Variants in HAT1 observed in about 807,000 individuals in gnomAD.
HAT1 encodes histone acetyltransferase 1.
A neutral mutation model predicts 56.6 loss-of-function variants in HAT1; 20 were observed. That is an observed-to-expected ratio of 0.35 (90% CI 0.25 to 0.51). The LOEUF (loss-of-function observed/expected upper bound fraction) is 0.51. Among genes scored for constraint, HAT1 ranks in the 20% least tolerant of loss-of-function variants. The pLI is 0.95. For synonymous variants in HAT1, 146 were observed against 165.5 expected, an observed-to-expected ratio of 0.88 and a Z score of 0.91; for missense variants, 408 against 504.3, an observed-to-expected ratio of 0.81 and a Z score of 1.83.
intron 4 of HAT1, 47 bp from the exon 5 acceptor site, chr2:171,965,291 C>A: frequency 8.6e-7 from 1 of 1,156,076 alleles, no homozygotes; most frequent in Non-Finnish European, 1.2e-6. Context: ...CCATATTCAA[C>A]TTAAAGTCGA....
chr2:171,979,663 C>G, intron 10 of HAT1: 1 of 214,624 alleles, frequency 4.7e-6, no homozygotes, highest in South Asian at 7.0e-5. Context: ...CAAACATTAG[C>G]TAGGCTTGGT....
At chr2:171,948,969 A>G (rs1687236632) in intron 3 of HAT1, among the ~76,000 whole-genome samples, 1 of 152,090 alleles carries the variant, frequency 6.6e-6, no homozygotes, top group South Asian at 2.1e-4. Context: ...TTTGTAATTT[A>G]TAAGTAGTTT....
At chr2:171,926,295 A>C (rs1440197698) in intron 2 of HAT1, among the ~76,000 whole-genome samples, 1 of 150,616 alleles carries the variant, frequency 6.6e-6, no homozygotes, top group Non-Finnish European at 1.5e-5. Flanking sequence ...TAATTTTTAT[A>C]AAAAATTTTT....
At chr2:171,944,193 T>TG (rs1443307176) in intron 2 of HAT1, among the ~76,000 whole-genome samples, 1 of 151,868 alleles carries the variant, frequency 6.6e-6, no homozygotes, top group Non-Finnish European at 1.5e-5. Context: ...GATTGTGCAC[T>TG]GCATTTAGTT....
chr2:171,967,827 A>C (rs1165300200), intron 8 of HAT1, among the ~76,000 whole-genome samples: 1 of 152,128 alleles, frequency 6.6e-6, no homozygotes, highest in Non-Finnish European at 1.5e-5. Context: ...TTTAACATGC[A>C]CTAAAACATT....
intron 8 of HAT1, among the ~76,000 whole-genome samples, chr2:171,968,986 A>G (rs539899081): frequency 1.8e-3 from 273 of 152,286 alleles, no homozygotes; most frequent in African/African-American, 6.4e-3. Flanking sequence ...CTTACTTCCA[A>G]TGGATGGGTG....
chr2:171,960,873 G>A (rs527590357), intron 4 of HAT1, among the ~76,000 whole-genome samples: 16 of 152,164 alleles, frequency 1.1e-4, no homozygotes, highest in Non-Finnish European at 2.1e-4. Context: ...TGAACGTGGT[G>A]GCTCAAACCT....
At chr2:171,961,507 T>A (rs1336095408) in intron 4 of HAT1, among the ~76,000 whole-genome samples, 2 of 152,188 alleles carry the variant, frequency 1.3e-5, no homozygotes, top group African/African-American at 4.8e-5. Flanking sequence ...TGGATTGAAT[T>A]TGAGAGGATA....
chr2:171,979,114 TTTA>T (rs1473187462), intron 9 of HAT1, 130 bp from the exon 10 acceptor site: 5 of 614,926 alleles, frequency 8.1e-6, no homozygotes, highest in Non-Finnish European at 1.5e-5. Flanking sequence ...GGCAACTACT[TTTA>T]TTGCCTTTCC....
intron 8 of HAT1, among the ~76,000 whole-genome samples, chr2:171,973,121 T>C (rs1048141676): frequency 6.0e-4 from 92 of 152,232 alleles, no homozygotes; most frequent in African/African-American, 1.9e-3. Flanking sequence ...CAGCCTCCAT[T>C]CTCCACTCTC....
At position 171,972,214 on chromosome 2, in the gene HAT1, GTT is replaced by G. The variant is rs11319894; in HGVS notation, c.824-3932_824-3931del. ...TGCATCTTTCCAGGGTTTTTCTTTT[GTT>G]TTTTTTTTTTGTTTGTTTGTTTTTG... On this transcript the variant is annotated intron_variant, in intron 8 of 10. Transcript: ENST00000264108. Among the ~76,000 whole-genome samples the G allele has an allele frequency of 2.8e-4, 39 of 141,512 alleles. No homozygotes were observed. In the South Asian group the frequency reaches 4.4e-3, roughly 16 times the overall value. 92.8% of individuals were successfully genotyped at this position (141,512 alleles called of 152,430 possible). A position where few individuals can be genotyped will look rare whatever the true frequency, so the allele number is the denominator to read the frequency against.
intron 8 of HAT1, among the ~76,000 whole-genome samples, chr2:171,972,234 T>A (rs1440511633): frequency 1.3e-5 from 2 of 151,272 alleles, no homozygotes; most frequent in African/African-American, 4.9e-5. Context: ...TTTGTTTGTT[T>A]GTTTTTGTTG....
At chr2:171,967,490 T>C (rs1161467433) in intron 8 of HAT1, among the ~76,000 whole-genome samples, 1 of 152,038 alleles carries the variant, frequency 6.6e-6, no homozygotes, top group Admixed American at 6.6e-5. Flanking sequence ...GCCATAGAAG[T>C]AGTAGTATGA....
intron 4 of HAT1, among the ~76,000 whole-genome samples, chr2:171,960,859 AT>A (rs1687555722): frequency 6.6e-6 from 1 of 151,800 alleles, no homozygotes; most frequent in Admixed American, 6.6e-5. Context: ...AAAAAAAAAA[AT>A]GCTGAACGTG....
chr2:171,977,558 T>TATA (rs1491530330), intron 9 of HAT1, among the ~76,000 whole-genome samples: 77 of 9,286 alleles, frequency 8.3e-3, no homozygotes, highest in East Asian at 9.7e-3. Context: ...TATATATATA[T>TATA]TTTTTTTTTT....
Position 171,922,505 on chromosome 2 carries a change from C to G in HAT1, c.5C>G (p.Ala2Gly). The G allele has an allele frequency of 1.5e-6, 2 of 1,318,926 alleles. No homozygotes were observed. Among genetic ancestry groups the G allele is most frequent in the Non-Finnish European group, 2.0e-6 (2 of 1,024,592 alleles). 81.7% of individuals were successfully genotyped at this position (1,318,926 alleles called of 1,614,324 possible). A position where few individuals can be genotyped will look rare whatever the true frequency, so the allele number is the denominator to read the frequency against. The stretch of plus-strand genomic sequence containing the variant: ...GCGGGTGATCGTAGCTCGGAAATGG[C>G]GGGTAAGTTACCGGGAAAAGTTTAC... The part of the protein sequence containing the change: M[A>G]GFGAMEKFLV... The change falls in exon 1 of 11, where the codon GCG (alanine) becomes GGG (glycine). Residue 2 changes from alanine (A) to glycine (G), a missense_variant and splice_region_variant. By Grantham distance (60) the Ala-to-Gly change is moderately conservative. Coordinates refer to ENST00000264108, the MANE Select transcript of HAT1 (RefSeq NM_003642.4).
chr2:171,955,993 C>T (rs553301886), intron 4 of HAT1, among the ~76,000 whole-genome samples: 5 of 151,638 alleles, frequency 3.3e-5, no homozygotes, highest in Admixed American at 1.3e-4. Context: ...TGCGGTGAGC[C>T]GATATCGCGC....
chr2:171,922,968 G>GC (rs1686480548), intron 1 of HAT1: 1 of 160,266 alleles, frequency 6.2e-6, no homozygotes, highest in Non-Finnish European at 1.4e-5. Context: ...CTAGCGCATT[G>GC]CTGCCTTGCC....
intron 8 of HAT1, among the ~76,000 whole-genome samples, chr2:171,969,439 T>TA (rs954009902): frequency 6.6e-6 from 1 of 152,126 alleles, no homozygotes; most frequent in Non-Finnish European, 1.5e-5. Context: ...TGAGAAGCTT[T>TA]AAAAAAACGA....
Sources: gnomAD v4.1 joint callset for allele counts (sites outside exome capture counted in the v4.1 genomes callset) on GRCh38, gnomAD v4.1.1 for gene constraint, MANE v1.5 for transcripts, NCBI Gene and HGNC (gene_info 2026-07-23, HGNC 2026-07-21) for gene names.